Variants in SERPINE2 observed in about 807,000 individuals in gnomAD.
SERPINE2 encodes glia-derived nexin.
SERPINE2 carries 14 observed loss-of-function variants against 36.3 expected under a neutral mutation model. The ratio of observed to expected loss-of-function variants is 0.39; its 90% CI spans 0.25 to 0.60. The LOEUF (loss-of-function observed/expected upper bound fraction) is 0.60, where lower values mean the gene tolerates loss of function less well. Among genes scored for constraint, SERPINE2 ranks in the 20% least tolerant of loss-of-function variants. The probability of loss-of-function intolerance (pLI) is 0.57; values close to 1 mark genes in which losing one functional copy is unlikely to be tolerated. For missense variants in SERPINE2, 418 were observed against 499.6 expected (o/e 0.84, Z 1.56); for synonymous variants, 192 against 191.8 (o/e 1.00, Z -0.01).
chr2:223,977,734 GACAC>G, intron 7 of SERPINE2, 107 bp from the exon 8 acceptor site: 1 of 749,966 alleles, frequency 1.3e-6, no homozygotes, highest in South Asian at 1.4e-5. Context: ...GGTGTCTGAA[GACAC>G]ACTTCATGCT....
intron 1 of SERPINE2, among the ~76,000 whole-genome samples, chr2:224,023,736 T>TA (rs1447506553): frequency 6.6e-6 from 1 of 152,234 alleles, no homozygotes; most frequent in African/African-American, 2.4e-5. Flanking sequence ...TCCCATCTTT[T>TA]ATTAGGTGAC....
chr2:223,976,631 C>A (rs1162084808), intron 8 of SERPINE2, among the ~76,000 whole-genome samples: 1 of 152,194 alleles, frequency 6.6e-6, no homozygotes, highest in East Asian at 1.9e-4. Flanking sequence ...ATATTAGTGC[C>A]TACTCTTGTA....
chr2:224,037,006 G>T (rs76601738), intron 1 of SERPINE2, among the ~76,000 whole-genome samples: 1,925 of 152,258 alleles, frequency 0.013, 35 homozygotes, highest in African/African-American at 0.044. Context: ...AGTCTAACTT[G>T]ATTTTTCTTT....
chr2:224,036,259 C>T (rs1050397531), intron 1 of SERPINE2, among the ~76,000 whole-genome samples: 1 of 150,432 alleles, frequency 6.6e-6, no homozygotes, highest in African/African-American at 2.5e-5. Flanking sequence ...GGGATGACAG[C>T]GAACCCTGGG....
chr2:223,991,687 TC>T (rs1386172518), intron 4 of SERPINE2, 115 bp downstream of exon 4: 19 of 1,063,574 alleles, frequency 1.8e-5, no homozygotes, highest in Admixed American at 5.9e-5. Flanking sequence ...CCTGCTCTGT[TC>T]CCCAGTTTTT....
At position 224,018,896 on chromosome 2, in the gene SERPINE2, G is replaced by A. The variant is rs185956439; in HGVS notation, c.-22-16974C>T. On this transcript the variant is annotated intron_variant, in intron 1 of 8. Transcript: ENST00000409304. ...CCCAGCCCAAGCCACCAACATCTCC[G>A]GAGGAGGACACTGGTCTCCTAGACC... is the stretch of plus-strand genomic sequence containing the variant. Among the ~76,000 whole-genome samples, 4 of 152,292 alleles carry A rather than the reference G, an allele frequency of 2.6e-5. No individual in the cohort carries two copies. The East Asian group carries it at 7.7e-4, about 29-fold the overall frequency.
intron 1 of SERPINE2, among the ~76,000 whole-genome samples, chr2:224,005,065 T>TTATATATTTTTATATATATATA (rs1553547022): frequency 1.2e-3 from 40 of 33,574 alleles, no homozygotes; most frequent in Non-Finnish European, 1.9e-3. Flanking sequence ...TTTATATATA[T>TTATATATTTTTATATATATATA]TATATATATA....
At chr2:224,038,307 GACAC>G (rs1313530338) in intron 1 of SERPINE2, among the ~76,000 whole-genome samples, 1 of 151,970 alleles carries the variant, frequency 6.6e-6, no homozygotes, top group African/African-American at 2.4e-5. Context: ...TTTCTCCAGA[GACAC>G]ACACACAAAG....
Position 223,985,024 on chromosome 2 carries a change from G to A in SERPINE2, c.686-74C>T, listed in dbSNP as rs996737523. ...GCAGGATGAGTGCTTGCTGGTCACCGGGATAGCTTCAGAGAGCAACTCAGT... is the reference window on the plus strand; with the variant it reads ...GCAGGATGAGTGCTTGCTGGTCACCAGGATAGCTTCAGAGAGCAACTCAGT... On this transcript the variant is annotated intron_variant, in intron 4 of 8. Coordinates refer to ENST00000409304, the MANE Select transcript of SERPINE2 (RefSeq NM_001136528.2). 70 of 1,357,572 alleles carry A rather than the reference G, an allele frequency of 5.2e-5. No homozygotes were observed. The African/African-American group carries it at 7.7e-4, about 15-fold the overall frequency. 84.1% of individuals were successfully genotyped at this position (1,357,572 alleles called of 1,614,324 possible).
chr2:223,988,088 G>A (rs1006921367), intron 4 of SERPINE2, among the ~76,000 whole-genome samples: 6 of 152,156 alleles, frequency 3.9e-5, no homozygotes, highest in African/African-American at 1.2e-4. Context: ...GGGGAAGGAG[G>A]GGTGGCGTAA....
chr2:224,009,930 G>A (rs1691566718), intron 1 of SERPINE2, among the ~76,000 whole-genome samples: 1 of 152,208 alleles, frequency 6.6e-6, no homozygotes, highest in South Asian at 2.1e-4. Flanking sequence ...TAATGTACAA[G>A]TAATCGGGGT....
In SERPINE2 at chr2:223,977,577, G is replaced by A. The variant is rs780277461; in HGVS notation, c.1123C>T (p.Pro375Ser). 5 of 1,613,026 alleles carry A rather than the reference G, an allele frequency of 3.1e-6. No homozygotes were observed. In the African/African-American group the frequency reaches 6.7e-5, roughly 22 times the overall value. The change falls in exon 8 of 9, where the codon CCT (proline) becomes TCT (serine). Residue 375 changes from proline (P) to serine (S), a missense_variant. Transcript: ENST00000409304. ...TTATGTCGGATGAAAAACAGAAAAG[G>A]TCTGTCTACTATAAACCAGGGAGGC... ...SSPPWFIVDR[P>S]FLFFIRHNPT...
At chr2:223,988,780 T>C (rs1025174334) in intron 4 of SERPINE2, among the ~76,000 whole-genome samples, 36 of 152,320 alleles carry the variant, frequency 2.4e-4, no homozygotes, top group African/African-American at 8.2e-4. Flanking sequence ...AGTGTTGTTA[T>C]AGGAAAAAAG....
intron 4 of SERPINE2, among the ~76,000 whole-genome samples, chr2:223,985,821 C>T (rs1690406460): frequency 6.6e-6 from 1 of 152,212 alleles, no homozygotes; most frequent in African/African-American, 2.4e-5. Context: ...CCAGTAATCA[C>T]CACTGGAGTT....
At chr2:223,987,823 T>C (rs545788725) in intron 4 of SERPINE2, among the ~76,000 whole-genome samples, 1 of 152,318 alleles carries the variant, frequency 6.6e-6, no homozygotes, top group Admixed American at 6.5e-5. Flanking sequence ...CACTGAAATG[T>C]TAAGAGCTCA....
intron 1 of SERPINE2, among the ~76,000 whole-genome samples, chr2:224,037,749 A>G (rs1341757499): frequency 6.6e-6 from 1 of 152,220 alleles, no homozygotes; most frequent in Non-Finnish European, 1.5e-5. Context: ...TGGAGACAGT[A>G]CTTTTAAAAT....
At chr2:224,034,120 G>A (rs1176957730) in intron 1 of SERPINE2, among the ~76,000 whole-genome samples, 1 of 152,150 alleles carries the variant, frequency 6.6e-6, no homozygotes, top group Non-Finnish European at 1.5e-5. Context: ...ACCACCGCTG[G>A]TGCAAATAAA....
intron 1 of SERPINE2, among the ~76,000 whole-genome samples, chr2:224,022,394 T>C (rs1047467671): frequency 5.9e-5 from 9 of 152,066 alleles, no homozygotes; most frequent in African/African-American, 1.7e-4. Flanking sequence ...TATGTATTTA[T>C]TGAACAAATG....
At chr2:224,001,600 C>G (rs766242718) in intron 2 of SERPINE2, 42 bp downstream of exon 2, 35 of 1,583,210 alleles carry the variant, frequency 2.2e-5, no homozygotes, top group Non-Finnish European at 2.8e-5. Flanking sequence ...TCACAAGACT[C>G]TCAGGCAAAG....
Sources: allele counts gnomAD v4.1 joint callset (sites outside exome capture counted in the v4.1 genomes callset), GRCh38; gene constraint gnomAD v4.1.1; transcripts MANE v1.5; gene names NCBI Gene and HGNC (gene_info 2026-07-23, HGNC 2026-07-21).